The following CERKL variants were observed in gnomAD, a reference collection of about 807,000 sequenced individuals.
The protein encoded by CERKL is ceramide kinase-like protein.
Under a neutral mutation model 63.4 loss-of-function variants are expected in CERKL, and 61 were observed. That is an observed-to-expected ratio of 0.96 (90% CI 0.78 to 1.19). CERKL has a LOEUF of 1.19. CERKL is among the 50% of genes most tolerant of loss of function. The pLI, the probability that CERKL is intolerant of heterozygous loss-of-function variation, is 0.00. For synonymous variants in CERKL, 250 were observed against 230.5 expected, an observed-to-expected ratio of 1.08 and a Z score of -0.77; for missense variants, 675 against 655.5, an observed-to-expected ratio of 1.03 and a Z score of -0.33.
chr2:181,608,916 A>T (rs1685836276), intron 1 of CERKL, among the ~76,000 whole-genome samples: 1 of 152,228 alleles, frequency 6.6e-6, no homozygotes, highest in South Asian at 2.1e-4. Flanking sequence ...ACCCAAGAAG[A>T]AGGTATAATG....
Position 181,558,537 on chromosome 2 carries a change from G to A in CERKL, c.820+29C>T, listed in dbSNP as rs1379576071. On this transcript the variant is annotated intron_variant, in intron 5 of 12. Coordinates refer to ENST00000410087, the MANE Select transcript of CERKL (RefSeq NM_201548.5). This position sits in a 1 kb window ranked among gnomAD's most constrained non-coding sequence, Gnocchi z 4.2. The stretch of plus-strand genomic sequence containing the variant: ...GAAAGGAAAAGAGGGAGAAGGGTCA[G>A]TTTAATGAATCTGTAGCCACTCCCT... The A allele has an allele frequency of 1.2e-6, 2 of 1,610,568 alleles. No individual in the cohort carries two copies. Among genetic ancestry groups the A allele is most frequent in the South Asian group, 2.2e-5 (2 of 91,000 alleles).
intron 1 of CERKL, among the ~76,000 whole-genome samples, chr2:181,614,066 GT>G (rs1686085870): frequency 6.6e-6 from 1 of 152,154 alleles, no homozygotes; most frequent in South Asian, 2.1e-4. Flanking sequence ...GCTTTGCTAT[GT>G]CTTTGTATTG....
intron 2 of CERKL, among the ~76,000 whole-genome samples, chr2:181,589,668 C>T (rs1013629411): frequency 2.0e-4 from 31 of 152,196 alleles, no homozygotes; most frequent in African/African-American, 7.5e-4. Flanking sequence ...AAAATAAACT[C>T]CAAATGGACT....
At chr2:181,541,127 T>C (rs978087115) in intron 11 of CERKL, among the ~76,000 whole-genome samples, 1 of 152,176 alleles carries the variant, frequency 6.6e-6, no homozygotes, top group Non-Finnish European at 1.5e-5. Context: ...ATAAGATCTT[T>C]AAAGAGACGA....
chr2:181,616,456 C>T (rs1316482423), intron 1 of CERKL, among the ~76,000 whole-genome samples: 1 of 152,070 alleles, frequency 6.6e-6, no homozygotes, highest in African/African-American at 2.4e-5. Flanking sequence ...TCGTGATCCG[C>T]CTGCCTCGGC....
intron 1 of CERKL, among the ~76,000 whole-genome samples, chr2:181,618,669 C>T (rs1574504182): frequency 6.6e-6 from 1 of 152,200 alleles, no homozygotes; most frequent in Non-Finnish European, 1.5e-5. Flanking sequence ...GCCTCGGCCT[C>T]GCATAGTGTT....
chr2:181,547,673 T>A lies in CERKL; in HGVS notation c.1213A>T (p.Met405Leu). 6.2e-7 allele frequency: 1 copy of A among 1,614,104 alleles called. No homozygotes were observed. Among genetic ancestry groups the A allele is most frequent in the Non-Finnish European group, 8.5e-7 (1 of 1,179,966 alleles). Reference sequence around the variant, plus strand: ...ACTGAACACAGGCAAGGAATTGCCATAATGCTGACATTCAAGAACTGACCC... The same window carrying A: ...ACTGAACACAGGCAAGGAATTGCCAAAATGCTGACATTCAAGAACTGACCC... ...IQGQFLNVSI[M>L]AIPCLCSVAP... The change falls in exon 10 of 13, where the codon ATG becomes TTG. Residue 405 changes from methionine (M) to leucine (L), a missense_variant. Transcript: ENST00000410087.
At chr2:181,642,637 C>A (rs1687494599) in intron 1 of CERKL, among the ~76,000 whole-genome samples, 1 of 151,878 alleles carries the variant, frequency 6.6e-6, no homozygotes, top group Admixed American at 6.6e-5. Context: ...CAGGAATACT[C>A]TTTTGAAAAA....
intron 2 of CERKL, among the ~76,000 whole-genome samples, chr2:181,592,022 T>C (rs1200792293): frequency 6.6e-6 from 1 of 152,122 alleles, no homozygotes; most frequent in Non-Finnish European, 1.5e-5. Flanking sequence ...AAAAGCCACA[T>C]TAGAGAGTTT....
At chr2:181,552,810 C>A (rs1049092681) in intron 5 of CERKL, among the ~76,000 whole-genome samples, 1 of 152,110 alleles carries the variant, frequency 6.6e-6, no homozygotes, top group African/African-American at 2.4e-5. Context: ...AATTTTTGTC[C>A]ATTTAAAAAT....
At chr2:181,617,619 A>G (rs1686254469) in intron 1 of CERKL, among the ~76,000 whole-genome samples, 1 of 152,196 alleles carries the variant, frequency 6.6e-6, no homozygotes, top group Admixed American at 6.5e-5. Flanking sequence ...ATATTATAAT[A>G]AAAATTATCA....
intron 1 of CERKL, among the ~76,000 whole-genome samples, chr2:181,620,838 C>T (rs376690369): frequency 1.3e-5 from 2 of 152,258 alleles, no homozygotes; most frequent in South Asian, 4.1e-4. Flanking sequence ...CAAAAGTAAG[C>T]TTCAAACACA....
At chr2:181,587,134 A>G (rs1399424367) in intron 2 of CERKL, among the ~76,000 whole-genome samples, 1 of 152,200 alleles carries the variant, frequency 6.6e-6, no homozygotes, top group African/African-American at 2.4e-5. Context: ...TTGGCAATTT[A>G]TATTAAAATG....
At chr2:181,568,318 T>A (rs1443857524) in intron 3 of CERKL, among the ~76,000 whole-genome samples, 1 of 152,180 alleles carries the variant, frequency 6.6e-6, no homozygotes, top group Admixed American at 6.6e-5. Context: ...ACAGAATCCA[T>A]TATGTATACC....
intron 10 of CERKL, 114 bp downstream of exon 10, chr2:181,547,504 T>C: frequency 1.3e-6 from 1 of 785,342 alleles, no homozygotes; most frequent in Non-Finnish European, 2.2e-6. Flanking sequence ...ATCTCTAATA[T>C]ACAAAGATAA....
intron 11 of CERKL, among the ~76,000 whole-genome samples, chr2:181,540,570 G>A (rs1240622146): frequency 1.3e-5 from 2 of 152,152 alleles, no homozygotes; most frequent in African/African-American, 4.8e-5. Context: ...TCAGAGACTG[G>A]AGGGATGCAG....
chr2:181,641,324 T>C (rs10569351), intron 1 of CERKL, among the ~76,000 whole-genome samples: 4 of 108,712 alleles, frequency 3.7e-5, no homozygotes, highest in African/African-American at 1.4e-4. Flanking sequence ...TATATATATA[T>C]ATATATATAT....
At chr2:181,656,327 A>C (rs548937240) in intron 1 of CERKL, among the ~76,000 whole-genome samples, 4 of 152,362 alleles carry the variant, frequency 2.6e-5, no homozygotes, top group African/African-American at 9.6e-5. Flanking sequence ...ACTCTTGTGT[A>C]GGCATAATCT....
intron 11 of CERKL, 23 bp from the exon 12 acceptor site, chr2:181,539,287 A>T: frequency 2.7e-6 from 4 of 1,473,382 alleles, no homozygotes; most frequent in Non-Finnish European, 3.8e-6. Context: ...ACAAATAATC[A>T]TTATACTTGG....
Sources: allele counts gnomAD v4.1 joint callset (sites outside exome capture counted in the v4.1 genomes callset), GRCh38; gene constraint gnomAD v4.1.1; non-coding constraint Gnocchi (gnomAD v3.1); transcripts MANE v1.5; gene names NCBI Gene and HGNC (gene_info 2026-07-23, HGNC 2026-07-21).